MGAT5B: variants seen among roughly 807,000 people sequenced by gnomAD.
MGAT5B encodes the protein alpha-1,6-mannosylglycoprotein 6-beta-N-acetylglucosaminyltransferase B.
MGAT5B carries 54 observed loss-of-function variants against 95.1 expected under a neutral mutation model. The observed-to-expected ratio is 0.57, with a 90% confidence interval of 0.46 to 0.71. The LOEUF (loss-of-function observed/expected upper bound fraction) is 0.71. Among genes scored for constraint, MGAT5B ranks in the 30% least tolerant of loss-of-function variants. MGAT5B has a pLI of 0.00. For missense variants in MGAT5B, 935 were observed against 1,088.6 expected (o/e 0.86, Z 1.99); for synonymous variants, 464 against 451.0 (o/e 1.03, Z -0.36).
rs1041388852 is a variant in MGAT5B, at chr17:76,870,735, C to T, written c.68+1638C>T. Among the ~76,000 whole-genome samples, 5 of 152,120 alleles carry T rather than the reference C, an allele frequency of 3.3e-5. No homozygotes were observed. The highest frequency in any genetic ancestry group is 6.5e-5 in the Admixed American group (1 of 15,284). ...GAGACCCGCAGCCATCAGTGAGTCCCTTCAGTTGAGGTGGGGGGCAGGCTG... is the reference window on the plus strand; with the variant it reads ...GAGACCCGCAGCCATCAGTGAGTCCTTTCAGTTGAGGTGGGGGGCAGGCTG... On this transcript the variant is annotated intron_variant, in intron 1 of 17. Transcript: ENST00000569840. This position sits in a 1 kb window ranked among gnomAD's most constrained non-coding sequence, Gnocchi z 5.0.
intron 3 of MGAT5B, 121 bp downstream of exon 3, chr17:76,882,419 TACAGCCCAGAGTGCATTTCTACCAC>T: frequency 4.7e-6 from 6 of 1,263,408 alleles, no homozygotes; most frequent in Non-Finnish European, 6.4e-6. Flanking sequence ...CACACTGTGG[TACAGCCCAGAGTGCATTTCTACCAC>T]CCAAATTTAA....
At chr17:76,935,770 G>T (rs1384428933) in intron 12 of MGAT5B, among the ~76,000 whole-genome samples, 1 of 141,930 alleles carries the variant, frequency 7.0e-6, no homozygotes, top group Non-Finnish European at 1.5e-5. Flanking sequence ...CTAGTCTGTG[G>T]CTTGTCTCTC....
At chr17:76,872,580 C>T in intron 1 of MGAT5B, 1 of 1,333,500 alleles carries the variant, frequency 7.5e-7, no homozygotes, top group Non-Finnish European at 9.9e-7. Context: ...TGCCTGGAGG[C>T]TAGAGCCCGC....
rs902092738 is a variant in MGAT5B, at chr17:76,906,705, A to C, written c.1025+518A>C. On this transcript the variant is annotated intron_variant, in intron 8 of 17. Transcript: ENST00000569840. The surrounding 1 kb of genome is among the most constrained non-coding windows in gnomAD (Gnocchi z 4.6). ...TGGGAGGTGGAAGGGCAGTGATTAG[A>C]GGCTCCCCTGAGTGTTTGAGGGTAG... Among the ~76,000 whole-genome samples the C allele has an allele frequency of 6.6e-6, 1 of 151,814 alleles. No individual in the cohort carries two copies. The highest frequency in any genetic ancestry group is 2.4e-5 in the African/African-American group (1 of 41,288).
At chr17:76,919,718 G>A (rs1365363331) in intron 8 of MGAT5B, among the ~76,000 whole-genome samples, 4 of 152,312 alleles carry the variant, frequency 2.6e-5, no homozygotes, top group East Asian at 3.9e-4. Flanking sequence ...GGCGTGAGCC[G>A]CTGTGCCGGG....
In MGAT5B at chr17:76,912,376, GA is replaced by G. The variant is rs2145208475; in HGVS notation, c.1025+6190del. 6.6e-6 allele frequency among the ~76,000 whole-genome samples: 1 copy of G among 152,292 alleles called. No homozygotes were observed. The highest frequency in any genetic ancestry group is 2.4e-5 in the African/African-American group (1 of 41,580). On this transcript the variant is annotated intron_variant, in intron 8 of 17. Coordinates refer to ENST00000569840, the MANE Select transcript of MGAT5B (RefSeq NM_001199172.2). This position sits in a 1 kb window ranked among gnomAD's most constrained non-coding sequence, Gnocchi z 5.0. The stretch of plus-strand genomic sequence containing the variant: ...CTCAGCCCTGGGAGCCGTTCTGTGG[GA>G]GCAGCACCAGGTTAATTTGAAAACA...
intron 12 of MGAT5B, among the ~76,000 whole-genome samples, chr17:76,937,607 T>TGA (rs368109607): frequency 9.3e-5 from 14 of 151,210 alleles, no homozygotes; most frequent in African/African-American, 3.4e-4. Flanking sequence ...ATGGGATGGG[T>TGA]GAGAGAGAGA....
intron 10 of MGAT5B, 148 bp from the exon 11 acceptor site, chr17:76,932,497 T>C (rs1969523500): frequency 8.7e-7 from 1 of 1,149,806 alleles, no homozygotes; most frequent in Non-Finnish European, 1.2e-6. Context: ...GCCGGGGCAC[T>C]GATTACACCC....
At chr17:76,901,601 C>A (rs933361253) in intron 3 of MGAT5B, among the ~76,000 whole-genome samples, 7 of 152,164 alleles carry the variant, frequency 4.6e-5, no homozygotes, top group Admixed American at 3.9e-4. Context: ...ATAAAAGCAA[C>A]ACTGGTATCG....
chr17:76,886,320 T>C (rs541153499), intron 3 of MGAT5B, among the ~76,000 whole-genome samples: 30 of 152,042 alleles, frequency 2.0e-4, no homozygotes, highest in Non-Finnish European at 3.8e-4. Flanking sequence ...GCCTGGCCAG[T>C]GGCCCCTCAG....
At chr17:76,920,581 T>G (rs1327960056) in intron 8 of MGAT5B, among the ~76,000 whole-genome samples, 1 of 152,210 alleles carries the variant, frequency 6.6e-6, no homozygotes, top group African/African-American at 2.4e-5. Context: ...ATAAGAGCAA[T>G]GAGGCCGCTG....
At chr17:76,922,816 A>G (rs1969159881) in intron 8 of MGAT5B, among the ~76,000 whole-genome samples, 1 of 152,238 alleles carries the variant, frequency 6.6e-6, no homozygotes, top group South Asian at 2.1e-4. Context: ...TAGACAAGAA[A>G]TGAGGAGGAA....
At chr17:76,910,232 G>A (rs529020868) in intron 8 of MGAT5B, among the ~76,000 whole-genome samples, 2 of 152,300 alleles carry the variant, frequency 1.3e-5, no homozygotes, top group East Asian at 1.9e-4. Flanking sequence ...AAGAGACAAG[G>A]TGTGGGGCCC....
At chr17:76,902,879 G>C (rs979564175) in intron 4 of MGAT5B, among the ~76,000 whole-genome samples, 3 of 152,164 alleles carry the variant, frequency 2.0e-5, no homozygotes, top group Admixed American at 2.0e-4. Context: ...GAGGACAGAG[G>C]AGGTCCCTGG....
intron 3 of MGAT5B, among the ~76,000 whole-genome samples, chr17:76,895,373 T>C (rs1193534580): frequency 6.6e-6 from 1 of 152,100 alleles, no homozygotes; most frequent in Admixed American, 6.6e-5. Context: ...ACTTGAATCA[T>C]CCTGAAACCA....
Position 76,912,633 on chromosome 17 carries a change from G to A in MGAT5B, c.1025+6446G>A, listed in dbSNP as rs1430607830. Among the ~76,000 whole-genome samples the A allele has an allele frequency of 2.6e-5, 4 of 152,120 alleles. No individual in the cohort carries two copies. Among genetic ancestry groups the A allele is most frequent in the Admixed American group, 1.3e-4 (2 of 15,278 alleles). ...GGTCCCGCTCTGCTCCTCGGGTCTC[G>A]GTGTTTCAATTAACTGGCTCACTGG... On this transcript the variant is annotated intron_variant, in intron 8 of 17. Transcript: ENST00000569840. The surrounding 1 kb of genome is among the most constrained non-coding windows in gnomAD (Gnocchi z 5.0).
rs1200558412 is a variant in MGAT5B, at chr17:76,918,282, C to T, written c.1026-6684C>T. Among the ~76,000 whole-genome samples the T allele has an allele frequency of 6.6e-6, 1 of 152,136 alleles. No individual in the cohort carries two copies. The highest frequency in any genetic ancestry group is 1.5e-5 in the Non-Finnish European group (1 of 68,028). ...AGCACCCAGACTGTGCCTCCATCTG[C>T]CTTTGGACTCCCTTTTCCTCTGAGC... On this transcript the variant is annotated intron_variant, in intron 8 of 17. Coordinates refer to ENST00000569840, the MANE Select transcript of MGAT5B (RefSeq NM_001199172.2). This position sits in a 1 kb window ranked among gnomAD's most constrained non-coding sequence, Gnocchi z 5.1.
At chr17:76,909,338 C>G (rs1968649048) in intron 8 of MGAT5B, among the ~76,000 whole-genome samples, 1 of 152,208 alleles carries the variant, frequency 6.6e-6, no homozygotes, top group Admixed American at 6.5e-5. Flanking sequence ...ACCAACCTCT[C>G]TTTATCCCTC....
rs1443108829 is a variant in MGAT5B, at chr17:76,914,273, G to A, written c.1025+8086G>A. On this transcript the variant is annotated intron_variant, in intron 8 of 17. Transcript: ENST00000569840. The surrounding 1 kb of genome is among the most constrained non-coding windows in gnomAD (Gnocchi z 5.1). ...AGTGGGCTGTGGGAGTGTGGAAGGC[G>A]GGATGGGGAGGACACAGCAGTCGTG... Among the ~76,000 whole-genome samples, 4 of 152,210 alleles carry A rather than the reference G, an allele frequency of 2.6e-5. No individual in the cohort carries two copies. The highest frequency in any genetic ancestry group is 6.5e-5 in the Admixed American group (1 of 15,280).
Sources: gnomAD v4.1 joint callset for allele counts (sites outside exome capture counted in the v4.1 genomes callset) on GRCh38, gnomAD v4.1.1 for gene constraint, Gnocchi (gnomAD v3.1) non-coding constraint, MANE v1.5 for transcripts, NCBI Gene and HGNC (gene_info 2026-07-23, HGNC 2026-07-21) for gene names.